Variants in KBTBD4 observed in about 807,000 individuals in gnomAD.
The protein encoded by KBTBD4 is kelch repeat and BTB domain containing 4, also known as kelch repeat and BTB domain-containing protein 4.
KBTBD4 carries 30 observed loss-of-function variants against 43.9 expected under a neutral mutation model. That is an observed-to-expected ratio of 0.68 (90% CI 0.51 to 0.93). KBTBD4 has a LOEUF of 0.93. Among genes scored for constraint, KBTBD4 ranks in the 40% least tolerant of loss-of-function variants. KBTBD4 has a pLI of 0.00. For missense variants in KBTBD4, 575 were observed against 668.8 expected (o/e 0.86, Z 1.55); for synonymous variants, 258 against 256.9 (o/e 1.00, Z -0.04).
At position 47,577,412 on chromosome 11, in the gene KBTBD4, C is replaced by G. The variant is rs376108338; in HGVS notation, c.636G>C (p.Ser212=). 8.8e-5 allele frequency: 140 copies of G among 1,597,408 alleles called. 1 individual carries two copies. The highest frequency in any genetic ancestry group is 1.2e-4 in the Non-Finnish European group (135 of 1,167,376). The stretch of plus-strand genomic sequence containing the variant: ...GGTGTGTCCCCTCCCTAAACTTACC[C>G]GAGATGATATCTGTGAGTAAGCGGT... ...LPHRLLTDII[S]DGVPCSQNPT... is the part of the protein sequence containing the mutation. Residue 212 remains serine (S), a splice_region_variant and synonymous_variant, in exon 2 of 4, where the codon TCG becomes TCC. Transcript: ENST00000430070.
intron 1 of KBTBD4, chr11:47,578,558 C>T (rs1312985772): frequency 1.0e-5 from 7 of 699,562 alleles, no homozygotes; most frequent in Non-Finnish European, 1.8e-5. Flanking sequence ...CTCTTCTGAG[C>T]TGCTTCCCCC....
chr11:47,574,527 CAG>C (rs2097255591), intron 3 of KBTBD4, among the ~76,000 whole-genome samples: 1 of 151,966 alleles, frequency 6.6e-6, no homozygotes, highest in African/African-American at 2.4e-5. Flanking sequence ...AAACAAAAAA[CAG>C]AGACGACCAT....
chr11:47,573,419 A>T lies in KBTBD4; in HGVS notation c.1116T>A (p.Asn372Lys). 1.2e-6 allele frequency: 2 copies of T among 1,614,182 alleles called. No individual in the cohort carries two copies. The highest frequency in any genetic ancestry group is 1.7e-6 in the Non-Finnish European group (2 of 1,180,026). Residue 372 changes from asparagine (N) to lysine (K), a missense_variant, in exon 4 of 4, where the codon AAT (asparagine) becomes AAA (lysine). Transcript: ENST00000430070. The surrounding 1 kb of genome is among the most constrained non-coding windows in gnomAD (Gnocchi z 4.1). ...CTAGCTGAGTTGTCTCTGTCCACAC[A>T]TTATCACCTACGCGATAATAAATGA... ...NAVIYYRVGDNVWTETTQLEV... is the reference protein window; with the variant it reads ...NAVIYYRVGDKVWTETTQLEV...
Position 47,577,904 on chromosome 11 carries a change from T to C in KBTBD4, c.144A>G (p.Gln48=), listed in dbSNP as rs750696927. The C allele has an allele frequency of 1.9e-6, 3 of 1,614,098 alleles. No homozygotes were observed. The highest frequency in any genetic ancestry group is 2.7e-5 in the African/African-American group (2 of 74,926). The part of the protein sequence containing the change: ...KDRSHSGRVA[Q]GIMKLCLEEE... Reference sequence around the variant, plus strand: ...CCTCTAGACACAGTTTCATGATGCCTTGAGCCACACGGCCTGAATGTGACC... The same window carrying C: ...CCTCTAGACACAGTTTCATGATGCCCTGAGCCACACGGCCTGAATGTGACC... Residue 48 remains glutamine (Q), a synonymous_variant, in exon 2 of 4, where the codon CAA becomes CAG. Coordinates refer to ENST00000430070, the MANE Select transcript of KBTBD4 (RefSeq NM_018095.6).
chr11:47,575,863 T>TC (rs1371977292), intron 2 of KBTBD4, among the ~76,000 whole-genome samples, 164 bp from the exon 3 acceptor site: 1 of 150,764 alleles, frequency 6.6e-6, no homozygotes, highest in Non-Finnish European at 1.5e-5. Flanking sequence ...AAATTGCTTT[T>TC]TTTTTTTTTT....
In KBTBD4 at chr11:47,572,843, A is replaced by T; in HGVS notation, c.*87T>A. On this transcript the variant is annotated 3_prime_UTR_variant, in exon 4 of 4. Transcript: ENST00000430070. ...GCCTTTCTAGTATGTGCCAAAAAAA[A>T]CATAACTCTGAATTGGGGCCCAGGG... is the stretch of plus-strand genomic sequence containing the variant. 7.0e-7 allele frequency: 1 copy of T among 1,435,010 alleles called. No individual in the cohort carries two copies. Among genetic ancestry groups the T allele is most frequent in the East Asian group, 2.3e-5 (1 of 43,040 alleles). The allele number at this position is 1,435,010 out of a possible 1,614,324, so 88.9% of individuals were successfully genotyped here.
At chr11:47,577,047 C>G (rs191581685) in intron 2 of KBTBD4, among the ~76,000 whole-genome samples, 3 of 152,266 alleles carry the variant, frequency 2.0e-5, no homozygotes, top group African/African-American at 7.2e-5. Context: ...TGGCCCATCA[C>G]TAAAAAAGTT....
Position 47,577,706 on chromosome 11 carries a change from G to A in KBTBD4, c.342C>T (p.Leu114=). The change falls in exon 2 of 4, where the codon CTC becomes CTT. Residue 114 remains leucine (L), a synonymous_variant. Coordinates refer to ENST00000430070, the MANE Select transcript of KBTBD4 (RefSeq NM_018095.6). Reference sequence around the variant, plus strand: ...TCCCATGGTAGATATAATCAACCAGGAGCTGGAAAACAGACTCGCTGACAT... The same window carrying A: ...TCCCATGGTAGATATAATCAACCAGAAGCTGGAAAACAGACTCGCTGACAT... ...LQDVSESVFQ[L]LVDYIYHGTV... 6.2e-7 allele frequency: 1 copy of A among 1,614,162 alleles called. No individual in the cohort carries two copies. Among genetic ancestry groups the A allele is most frequent in the South Asian group, 1.1e-5 (1 of 91,090 alleles).
chr11:47,573,742 G>A lies in KBTBD4; in HGVS notation c.793C>T (p.Arg265Cys), dbSNP rs1236362465. 2.5e-6 allele frequency: 4 copies of A among 1,588,632 alleles called. No individual in the cohort carries two copies. The highest frequency in any genetic ancestry group is 2.3e-5 in the East Asian group (1 of 44,414). The change falls in exon 4 of 4, where the codon CGT (arginine) becomes TGT (cysteine). Residue 265 changes from arginine to cysteine, a missense_variant. By Grantham distance (180) the Arg-to-Cys change is radical. Coordinates refer to ENST00000430070, the MANE Select transcript of KBTBD4 (RefSeq NM_018095.6). This position sits in a 1 kb window ranked among gnomAD's most constrained non-coding sequence, Gnocchi z 4.1. ...AAGGACACAGCCAACGAGTGGGTAC[G>A]AGATGACTCTTTCCCAATCAGGTAA... ...HIYLIGKESS[R>C]THSLAVSLHC... is the part of the protein sequence containing the mutation.
At chr11:47,578,133 G>A (rs1286788618) in intron 1 of KBTBD4, 105 bp from the exon 2 acceptor site, 5 of 1,343,932 alleles carry the variant, frequency 3.7e-6, no homozygotes, top group Middle Eastern at 2.1e-4. Context: ...AGAGCAAAGT[G>A]GGTCCAGATT....
In KBTBD4 at chr11:47,575,639, TTATTA is replaced by T; in HGVS notation, c.693_697del (p.Phe231LeufsTer47). On this transcript the variant is annotated frameshift_variant, in exon 3 of 4. Coordinates refer to ENST00000430070, the MANE Select transcript of KBTBD4 (RefSeq NM_018095.6). LOFTEE classifies it high-confidence loss of function. ...CTCTGCAAAAGCCTCTCTTTCCTCT[TTATTA>T]AAGTTGATCCAGGCTTCTATTGCCT... is the stretch of plus-strand genomic sequence containing the variant. 6.2e-7 allele frequency: 1 copy of T among 1,613,798 alleles called. No homozygotes were observed. The highest frequency in any genetic ancestry group is 8.5e-7 in the Non-Finnish European group (1 of 1,179,888).
chr11:47,574,523 A>G (rs2153793656), intron 3 of KBTBD4, among the ~76,000 whole-genome samples: 1 of 152,104 alleles, frequency 6.6e-6, no homozygotes, highest in East Asian at 1.9e-4. Context: ...AACAAAACAA[A>G]AAACAGAGAC....
At chr11:47,576,931 C>A (rs1012689975) in intron 2 of KBTBD4, among the ~76,000 whole-genome samples, 1 of 152,172 alleles carries the variant, frequency 6.6e-6, no homozygotes, top group East Asian at 1.9e-4. Flanking sequence ...CCCACCTCGG[C>A]CTCCCAAAGT....
chr11:47,577,670 A>T lies in KBTBD4; in HGVS notation c.378T>A (p.Leu126=). 6.2e-7 allele frequency: 1 copy of T among 1,614,216 alleles called. No individual in the cohort carries two copies. Among genetic ancestry groups the T allele is most frequent in the Non-Finnish European group, 8.5e-7 (1 of 1,180,024 alleles). The part of the protein sequence containing the change: ...VDYIYHGTVK[L]RAEELQEIYE... ...AAATTTCCTGCAACTCCTCAGCTCG[A>T]AGTTTCACAGTCCCATGGTAGATAT... The change falls in exon 2 of 4, where the codon CTT becomes CTA. Residue 126 remains leucine, a synonymous_variant. Transcript: ENST00000430070.
intron 1 of KBTBD4, chr11:47,578,685 C>T (rs1170761812): frequency 1.8e-6 from 2 of 1,105,378 alleles, no homozygotes; most frequent in Non-Finnish European, 2.6e-6. Context: ...CCCGCTCCAC[C>T]TTGAGTCGTC....
intron 1 of KBTBD4, 191 bp downstream of exon 1, chr11:47,578,742 C>T: frequency 6.8e-7 from 1 of 1,470,714 alleles, no homozygotes; most frequent in South Asian, 1.3e-5. Flanking sequence ...CAGGCCCGCC[C>T]GCCCTCGTCA....
At position 47,577,527 on chromosome 11, in the gene KBTBD4, C is replaced by A; in HGVS notation, c.521G>T (p.Ser174Ile). Residue 174 changes from serine (S) to isoleucine (I), a missense_variant, in exon 2 of 4, where the codon AGT (serine) becomes ATT (isoleucine). Coordinates refer to ENST00000430070, the MANE Select transcript of KBTBD4 (RefSeq NM_018095.6). Reference protein sequence around the residue: ...LQVMWLADRHSDPELYTAAKH... With the variant: ...LQVMWLADRHIDPELYTAAKH... ...GGCAGCCGTATAGAGCTCAGGATCACTGTGCCGATCTGCCAGCCACATCAC... is the reference window on the plus strand; with the variant it reads ...GGCAGCCGTATAGAGCTCAGGATCAATGTGCCGATCTGCCAGCCACATCAC... 9 of 1,614,186 alleles carry A rather than the reference C, an allele frequency of 5.6e-6. No homozygotes were observed. Among genetic ancestry groups the A allele is most frequent in the Non-Finnish European group, 7.6e-6 (9 of 1,180,032 alleles).
Position 47,573,375 on chromosome 11 carries a change from G to A in KBTBD4, c.1160C>T (p.Ala387Val). Reference protein sequence around the residue: ...TTQLEVAVSGAAGANLNGIIY... With the variant: ...TTQLEVAVSGVAGANLNGIIY... ...GATCCCGTTGAGGTTGGCACCAGCA[G>A]CCCCTGACACAGCCACCTCTAGCTG... The change falls in exon 4 of 4, where the codon GCT becomes GTT. Residue 387 changes from alanine to valine, a missense_variant. Ala to Val is a moderately conservative substitution (Grantham distance 64). Coordinates refer to ENST00000430070, the MANE Select transcript of KBTBD4 (RefSeq NM_018095.6). The surrounding 1 kb of genome is among the most constrained non-coding windows in gnomAD (Gnocchi z 4.1). 1 of 1,614,182 alleles carries A rather than the reference G, an allele frequency of 6.2e-7. No individual in the cohort carries two copies. Among genetic ancestry groups the A allele is most frequent in the Non-Finnish European group, 8.5e-7 (1 of 1,180,028 alleles).
chr11:47,572,680 G>T lies in KBTBD4; in HGVS notation c.*250C>A. ...AGAAAAGGCTTGCTCTAAGCAAGCTGTGGTGAGGCACAGGATGACTAGGGA... is the reference window on the plus strand; with the variant it reads ...AGAAAAGGCTTGCTCTAAGCAAGCTTTGGTGAGGCACAGGATGACTAGGGA... On this transcript the variant is annotated 3_prime_UTR_variant, in exon 4 of 4. Coordinates refer to ENST00000430070, the MANE Select transcript of KBTBD4 (RefSeq NM_018095.6). The T allele has an allele frequency of 1.9e-6, 1 of 534,132 alleles. No homozygotes were observed. The highest frequency in any genetic ancestry group is 3.4e-5 in the Admixed American group (1 of 29,596). 33.1% of individuals were successfully genotyped at this position (534,132 alleles called of 1,614,324 possible). A position where few individuals can be genotyped will look rare whatever the true frequency, so the allele number is the denominator to read the frequency against.
Sources: gnomAD v4.1 joint callset for allele counts (sites outside exome capture counted in the v4.1 genomes callset) on GRCh38, gnomAD v4.1.1 for gene constraint, Gnocchi (gnomAD v3.1) non-coding constraint, MANE v1.5 for transcripts, NCBI Gene and HGNC (gene_info 2026-07-23, HGNC 2026-07-21) for gene names.